Variants in AGTPBP1 observed in about 807,000 individuals in gnomAD.
The protein encoded by AGTPBP1 is cytosolic carboxypeptidase 1.
Under a neutral mutation model 143.9 loss-of-function variants are expected in AGTPBP1, and 70 were observed. The ratio of observed to expected loss-of-function variants is 0.49; its 90% CI spans 0.40 to 0.59. AGTPBP1 has a LOEUF of 0.59. AGTPBP1 is among the 20% of genes least tolerant of loss of function. AGTPBP1 has a pLI of 0.00. For missense variants in AGTPBP1, 1,229 were observed against 1,464.5 expected (o/e 0.84, Z 2.62); for synonymous variants, 463 against 500.2 (o/e 0.93, Z 0.99).
At chr9:85,661,191 CA>C (rs375543774) in intron 8 of AGTPBP1, among the ~76,000 whole-genome samples, 62 of 150,974 alleles carry the variant, frequency 4.1e-4, no homozygotes, top group African/African-American at 1.4e-3. Flanking sequence ...TAGATAGGAA[CA>C]AAAAAAATGT....
chr9:85,665,989 CAT>C (rs1294111241), intron 8 of AGTPBP1, among the ~76,000 whole-genome samples: 2 of 152,006 alleles, frequency 1.3e-5, no homozygotes, highest in African/African-American at 2.4e-5. Flanking sequence ...TATTGAAATG[CAT>C]AGTTTGTAGT....
At chr9:85,790,609 A>G in the AGTPBP1 span, among the ~76,000 whole-genome samples, 1 of 152,246 alleles carries the variant, frequency 6.6e-6, no homozygotes, top group Non-Finnish European at 1.5e-5. Flanking sequence ...GATATTTTGC[A>G]TAGTTCTCAT....
At chr9:85,721,884 A>C (rs1838147444) in intron 1 of AGTPBP1, among the ~76,000 whole-genome samples, 1 of 152,148 alleles carries the variant, frequency 6.6e-6, no homozygotes, top group African/African-American at 2.4e-5. Flanking sequence ...AAAATCTCTC[A>C]GCATTTGCTT....
the AGTPBP1 span, chr9:85,786,139 G>C: frequency 5.6e-6 from 9 of 1,608,322 alleles, no homozygotes; most frequent in Admixed American, 6.7e-5. Flanking sequence ...GCCAGAAGGA[G>C]GCATGCTTTC....
intron 2 of AGTPBP1, among the ~76,000 whole-genome samples, chr9:85,696,661 C>T (rs981334314): frequency 8.8e-5 from 13 of 148,522 alleles, no homozygotes; most frequent in African/African-American, 3.0e-4. Flanking sequence ...AGCAAGACTC[C>T]GTCTCAAAAA....
At chr9:85,702,152 T>A (rs1836705126) in intron 2 of AGTPBP1, among the ~76,000 whole-genome samples, 1 of 152,196 alleles carries the variant, frequency 6.6e-6, no homozygotes, top group Non-Finnish European at 1.5e-5. Flanking sequence ...TCCTTCTCCC[T>A]CCATGCACTC....
intron 23 of AGTPBP1, 24 bp downstream of exon 23, chr9:85,585,439 T>C (rs773818175): frequency 1.2e-5 from 18 of 1,543,776 alleles, no homozygotes; most frequent in Non-Finnish European, 1.5e-5. Flanking sequence ...ATTCAAAAAC[T>C]TATGAATCAT....
chr9:85,711,872 G>A lies in AGTPBP1; in HGVS notation c.32+630C>T, dbSNP rs1837399246. Among the ~76,000 whole-genome samples, 3 of 152,274 alleles carry A rather than the reference G, an allele frequency of 2.0e-5. No homozygotes were observed. The South Asian group carries it at 6.2e-4, about 32-fold the overall frequency. On this transcript the variant is annotated intron_variant, in intron 2 of 25. Transcript: ENST00000357081. ...AGACAATATGTAAATGAATTAGCAT[G>A]GCTGTGTTCCAAAAAAACACTTTAT... is the stretch of plus-strand genomic sequence containing the variant.
chr9:85,696,465 C>G (rs1836247346), intron 2 of AGTPBP1, among the ~76,000 whole-genome samples: 1 of 151,886 alleles, frequency 6.6e-6, no homozygotes. Flanking sequence ...GTCGAGAGCT[C>G]GAGACCAGCC....
At position 85,575,318 on chromosome 9, in the gene AGTPBP1, G is replaced by C. The variant is rs746399293; in HGVS notation, c.3500C>G (p.Thr1167Ser). The C allele has an allele frequency of 1.9e-6, 3 of 1,579,606 alleles. No homozygotes were observed. The highest frequency in any genetic ancestry group is 2.6e-6 in the Non-Finnish European group (3 of 1,169,822). ...NDLIESSCKV[T>S]SPTTYVLDED... ...AGAAAAAACAATTTTTTCCTACCTA[G>C]TTACTTTGCAGCTTGATTCAATTAA... The change falls in exon 25 of 26, where the codon ACT (threonine) becomes AGT (serine). Residue 1167 changes from threonine (T) to serine (S), a missense_variant. By Grantham distance (58) the Thr-to-Ser change is moderately conservative. Around this residue, in one of 2 missense-constraint regions of AGTPBP1, gnomAD observed 486 missense variants for 652.3 expected, o/e 0.75. Coordinates refer to ENST00000357081, the MANE Select transcript of AGTPBP1 (RefSeq NM_001330701.2).
At chr9:85,729,931 G>A (rs1182489506) in intron 1 of AGTPBP1, among the ~76,000 whole-genome samples, 2 of 152,090 alleles carry the variant, frequency 1.3e-5, no homozygotes, top group Admixed American at 1.3e-4. Context: ...GAAAAGTTGG[G>A]GCAGTCACTA....
At chr9:85,753,804 A>AGATAGATAGATG in the AGTPBP1 span, among the ~76,000 whole-genome samples, 16 of 147,460 alleles carry the variant, frequency 1.1e-4, no homozygotes, top group African/African-American at 3.5e-4. Flanking sequence ...ATAGATAGAT[A>AGATAGATAGATG]GATGTAAAAA....
At chr9:85,717,641 A>G (rs565700389) in intron 1 of AGTPBP1, among the ~76,000 whole-genome samples, 1 of 151,904 alleles carries the variant, frequency 6.6e-6, no homozygotes, top group Non-Finnish European at 1.5e-5. Context: ...TAATTAGGTC[A>G]TAAGGGTGGA....
intron 11 of AGTPBP1, 79 bp from the exon 12 acceptor site, chr9:85,646,497 A>G (rs1320757830): frequency 2.1e-6 from 2 of 951,316 alleles, no homozygotes; most frequent in African/African-American, 3.2e-5. Flanking sequence ...AATGTGACTT[A>G]TATAAAGTAT....
intron 17 of AGTPBP1, among the ~76,000 whole-genome samples, chr9:85,603,762 A>C (rs1829817945): frequency 6.6e-6 from 1 of 152,182 alleles, no homozygotes; most frequent in Non-Finnish European, 1.5e-5. Flanking sequence ...GCTGCCCTGA[A>C]GGGAGAGACC....
intron 7 of AGTPBP1, 86 bp downstream of exon 7, chr9:85,672,464 A>G: frequency 1.4e-6 from 2 of 1,402,596 alleles, no homozygotes; most frequent in Non-Finnish European, 9.8e-7. Context: ...CACAAATATC[A>G]GAGGTTTACA....
chr9:85,588,034 G>C (rs1205980005), intron 21 of AGTPBP1, among the ~76,000 whole-genome samples: 1 of 152,080 alleles, frequency 6.6e-6, no homozygotes, highest in South Asian at 2.1e-4. Flanking sequence ...AACAATTCAA[G>C]CATTTTATGA....
chr9:85,569,449 G>T (rs1028659172), intron 25 of AGTPBP1, among the ~76,000 whole-genome samples: 3 of 152,038 alleles, frequency 2.0e-5, no homozygotes, highest in Non-Finnish European at 2.9e-5. Flanking sequence ...AAGGAAAAAA[G>T]TTTTGCCAAC....
rs779279938 is a variant in AGTPBP1 at position 85,575,316 on chromosome 9, T to A, written c.3502A>T (p.Ser1168Cys). The A allele has an allele frequency of 1.9e-6, 3 of 1,579,924 alleles. No homozygotes were observed. The highest frequency in any genetic ancestry group is 2.6e-6 in the Non-Finnish European group (3 of 1,170,190). Reference sequence around the variant, plus strand: ...AAAGAAAAAACAATTTTTTCCTACCTAGTTACTTTGCAGCTTGATTCAATT... The same window carrying A: ...AAAGAAAAAACAATTTTTTCCTACCAAGTTACTTTGCAGCTTGATTCAATT... ...DLIESSCKVT[S>C]PTTYVLDEDE... Residue 1168 changes from serine (S) to cysteine (C), a missense_variant and splice_region_variant, in exon 25 of 26, where the codon AGC becomes TGC. By Grantham distance (112) the Ser-to-Cys change is moderately radical (BLOSUM62 -1). Around this residue, in one of 2 missense-constraint regions of AGTPBP1, gnomAD observed 486 missense variants for 652.3 expected, o/e 0.75. Coordinates refer to ENST00000357081, the MANE Select transcript of AGTPBP1 (RefSeq NM_001330701.2).
Sources: gnomAD v4.1 joint callset for allele counts (sites outside exome capture counted in the v4.1 genomes callset) on GRCh38, gnomAD v4.1.1 for gene constraint, gnomAD v4.1.1 regional missense constraint, MANE v1.5 for transcripts, NCBI Gene and HGNC (gene_info 2026-07-23, HGNC 2026-07-21) for gene names.